Variants in IQGAP2 observed in about 807,000 individuals in gnomAD.
IQGAP2 encodes the protein ras GTPase-activating-like protein IQGAP2.
A neutral mutation model predicts 201.3 loss-of-function variants in IQGAP2; 173 were observed. The observed-to-expected ratio is 0.86, with a 90% CI of 0.76 to 0.98. The LOEUF (loss-of-function observed/expected upper bound fraction) is 0.98, where lower values mean the gene tolerates loss of function less well. Ranked by LOEUF, IQGAP2 falls within the 50% of genes least tolerant of loss-of-function variation. The pLI is 0.00. For missense variants in IQGAP2, 1,687 were observed against 1,864.8 expected (o/e 0.90, Z 1.76); for synonymous variants, 675 against 673.9 (o/e 1.00, Z -0.03).
chr5:76,594,702 C>T (rs1746892580), intron 9 of IQGAP2, among the ~76,000 whole-genome samples: 1 of 152,176 alleles, frequency 6.6e-6, no homozygotes, highest in Non-Finnish European at 1.5e-5. Context: ...TGCAGTGGCT[C>T]ACACCTGTAA....
chr5:76,667,908 A>T, intron 22 of IQGAP2, among the ~76,000 whole-genome samples: 1 of 121,862 alleles, frequency 8.2e-6, no homozygotes, highest in Non-Finnish European at 1.6e-5. Flanking sequence ...TTTGATACAG[A>T]GTCTGTGTTG....
intron 2 of IQGAP2, among the ~76,000 whole-genome samples, chr5:76,471,364 C>CAAAAAAAAAAAACAAAAAA (rs1755084204): frequency 1.4e-5 from 1 of 72,532 alleles, no homozygotes; most frequent in Non-Finnish European, 2.8e-5. Flanking sequence ...ATAAACTAAG[C>CAAAAAAAAAAAACAAAAAA]AAAAAAAAAA....
intron 13 of IQGAP2, chr5:76,623,033 C>T: frequency 1.3e-6 from 1 of 788,972 alleles, no homozygotes; most frequent in Non-Finnish European, 2.2e-6. Context: ...ATGATTCTAC[C>T]TTTTAATAAT....
intron 2 of IQGAP2, among the ~76,000 whole-genome samples, chr5:76,496,700 GTCTCTTTCTTTCTTTCTTTCTTTCTTTTC>G (rs1475892969): frequency 1.4e-5 from 1 of 70,550 alleles, no homozygotes; most frequent in African/African-American, 6.8e-5. Context: ...CTTTCTTTCT[GTCTCTTTCTTTCTTTCTTTCTTTCTTTTC>G]TTTCTTTCTT....
At chr5:76,586,513 A>G (rs190054317) in intron 5 of IQGAP2, among the ~76,000 whole-genome samples, 6 of 152,256 alleles carry the variant, frequency 3.9e-5, no homozygotes, top group Admixed American at 3.3e-4. Context: ...AAAAATATTT[A>G]CCCTCCCAAC....
chr5:76,446,084 G>A (rs1167940815), intron 1 of IQGAP2, among the ~76,000 whole-genome samples: 1 of 152,080 alleles, frequency 6.6e-6, no homozygotes, highest in Non-Finnish European at 1.5e-5. Context: ...TTATCTGCTT[G>A]TCTGTTCGTG....
At chr5:76,441,831 G>A (rs1753059580) in intron 1 of IQGAP2, among the ~76,000 whole-genome samples, 1 of 152,208 alleles carries the variant, frequency 6.6e-6, no homozygotes, top group African/African-American at 2.4e-5. Context: ...GGCATTCAAA[G>A]CCTGAGTGTT....
chr5:76,669,060 T>C (rs1744057163), intron 23 of IQGAP2, among the ~76,000 whole-genome samples: 1 of 152,214 alleles, frequency 6.6e-6, no homozygotes, highest in Non-Finnish European at 1.5e-5. Context: ...TTAAATTAAC[T>C]TTTGATTTTG....
intron 17 of IQGAP2, 113 bp downstream of exon 17, chr5:76,641,216 T>C: frequency 2.6e-6 from 2 of 775,400 alleles, no homozygotes; most frequent in Non-Finnish European, 4.0e-6. Flanking sequence ...TCTGACTGCA[T>C]ATTTTTACAT....
At chr5:76,518,749 C>T (rs1020779480) in intron 2 of IQGAP2, among the ~76,000 whole-genome samples, 3 of 152,156 alleles carry the variant, frequency 2.0e-5, no homozygotes, top group Non-Finnish European at 4.4e-5. Flanking sequence ...AAAAAAGACT[C>T]ACAGCATTTT....
chr5:76,701,191 A>G lies in IQGAP2; in HGVS notation c.4483A>G (p.Ile1495Val). 3.1e-6 allele frequency: 5 copies of G among 1,614,204 alleles called. No homozygotes were observed. Among genetic ancestry groups the G allele is most frequent in the East Asian group, 2.2e-5 (1 of 44,892 alleles). ...KLHEKGVLLD[I>V]DDLQTNQFKN... is the part of the protein sequence containing the mutation. ...GCATGAGAAAGGTGTCCTGCTAGAT[A>G]TAGATGATCTTCAAACAAACCAGTA... is the stretch of plus-strand genomic sequence containing the variant. Residue 1495 changes from isoleucine (I) to valine (V), a missense_variant, in exon 34 of 36, where the codon ATA (isoleucine) becomes GTA (valine). Coordinates refer to ENST00000274364, the MANE Select transcript of IQGAP2 (RefSeq NM_006633.5).
At chr5:76,638,177 AT>A (rs1243934091) in intron 16 of IQGAP2, among the ~76,000 whole-genome samples, 4 of 152,234 alleles carry the variant, frequency 2.6e-5, no homozygotes, top group Non-Finnish European at 4.4e-5. Context: ...GAAGAAACTC[AT>A]TTAGAAAAGT....
At chr5:76,639,805 G>C (rs1751424652) in intron 16 of IQGAP2, among the ~76,000 whole-genome samples, 1 of 152,106 alleles carries the variant, frequency 6.6e-6, no homozygotes, top group Non-Finnish European at 1.5e-5. Context: ...ACAGTTTATT[G>C]ACTCATTTCA....
chr5:76,566,452 G>A (rs76600210), intron 3 of IQGAP2, among the ~76,000 whole-genome samples: 1,919 of 152,226 alleles, frequency 0.013, 38 homozygotes, highest in African/African-American at 0.044. Flanking sequence ...GAGCTTGTCC[G>A]TAGCAGAGTG....
intron 1 of IQGAP2, among the ~76,000 whole-genome samples, chr5:76,439,941 A>C (rs572211585): frequency 6.4e-4 from 97 of 152,300 alleles, no homozygotes; most frequent in South Asian, 4.1e-4. Context: ...AGTGTTTTAT[A>C]GGCCATGTGA....
chr5:76,455,397 G>A (rs1419179360), intron 1 of IQGAP2, among the ~76,000 whole-genome samples: 1 of 148,064 alleles, frequency 6.8e-6, no homozygotes, highest in African/African-American at 2.5e-5. Context: ...AGGTTGCAGT[G>A]AGCCAAGATC....
chr5:76,601,150 G>C (rs1408295601), intron 11 of IQGAP2, among the ~76,000 whole-genome samples, 178 bp downstream of exon 11: 3 of 152,184 alleles, frequency 2.0e-5, no homozygotes, highest in African/African-American at 7.2e-5. Flanking sequence ...TCCTTCTGGG[G>C]AACAAGAAGA....
At chr5:76,428,345 G>C (rs948477532) in intron 1 of IQGAP2, among the ~76,000 whole-genome samples, 1 of 152,046 alleles carries the variant, frequency 6.6e-6, no homozygotes, top group Admixed American at 6.6e-5. Flanking sequence ...CACGTGAAGT[G>C]AGTAAAATGT....
At chr5:76,582,103 A>T (rs1745912495) in intron 5 of IQGAP2, among the ~76,000 whole-genome samples, 1 of 152,188 alleles carries the variant, frequency 6.6e-6, no homozygotes, top group African/African-American at 2.4e-5. Context: ...CCATTTTATC[A>T]CCAAGGCAGT....
Sources: gnomAD v4.1 joint callset for allele counts (sites outside exome capture counted in the v4.1 genomes callset) on GRCh38, gnomAD v4.1.1 for gene constraint, MANE v1.5 for transcripts, NCBI Gene and HGNC (gene_info 2026-07-23, HGNC 2026-07-21) for gene names.